The following IL1RAPL1 variants were observed in gnomAD, a reference collection of about 807,000 sequenced individuals.
IL1RAPL1 encodes the protein interleukin-1 receptor accessory protein-like 1.
IL1RAPL1 carries 3 observed loss-of-function variants against 48.4 expected under a neutral mutation model. The observed-to-expected ratio is 0.06, with a 90% CI of 0.03 to 0.16. The LOEUF is 0.16. Ranked by LOEUF, IL1RAPL1 falls within the 10% of genes least tolerant of loss-of-function variation. The pLI, the probability that IL1RAPL1 is intolerant of heterozygous loss-of-function variation, is 1.00. For synonymous variants in IL1RAPL1, 185 were observed against 187.7 expected, an observed-to-expected ratio of 0.99 and a Z score of 0.12; for missense variants, 349 against 530.6, an observed-to-expected ratio of 0.66 and a Z score of 3.36.
intron 6 of IL1RAPL1, among the ~76,000 whole-genome samples, chrX:29,787,167 T>C (rs1929518051): frequency 1.8e-5 from 2 of 111,460 alleles, no homozygotes; most frequent in Admixed American, 1.9e-4. Flanking sequence ...GAGCCTTTGT[T>C]CTTATAGCTG....
At chrX:29,879,355 A>ATGTG (rs1259650807) in intron 6 of IL1RAPL1, among the ~76,000 whole-genome samples, 6 of 81,404 alleles carry the variant, frequency 7.4e-5, no homozygotes, top group African/African-American at 2.0e-4. Context: ...GTAGTTTTAT[A>ATGTG]TATGTGTGTG....
At chrX:29,111,113 T>C (rs754805353) in intron 2 of IL1RAPL1, among the ~76,000 whole-genome samples, 8 of 111,481 alleles carry the variant, frequency 7.2e-5, no homozygotes, top group Non-Finnish European at 1.1e-4. Flanking sequence ...CAAAGAATAA[T>C]AAAATGAACA....
Position 28,762,786 on chromosome X carries a change from G to GCACACACA in IL1RAPL1, c.-24-26503_-24-26496dup, listed in dbSNP as rs759005946. Among the ~76,000 whole-genome samples the GCACACACA allele has an allele frequency of 6.1e-3, 385 of 62,933 alleles. 5 individuals carry two copies. Among genetic ancestry groups the GCACACACA allele is most frequent in the East Asian group, 0.036 (60 of 1,687 alleles). The allele number at this position is 62,933 out of a possible 115,157, so 54.6% of individuals were successfully genotyped here. ...TATAAAATCTAATACGCACGCGCGC[G>GCACACACA]CACACACACACACACACACACACAC... On this transcript the variant is annotated intron_variant, in intron 1 of 10. Coordinates refer to ENST00000378993, the MANE Select transcript of IL1RAPL1 (RefSeq NM_014271.4).
chrX:29,900,667 C>T (rs1932478670), intron 6 of IL1RAPL1, among the ~76,000 whole-genome samples: 1 of 111,531 alleles, frequency 9.0e-6, no homozygotes, highest in East Asian at 2.8e-4. Context: ...TTTTTCTTCT[C>T]GAAGAGGGAG....
At chrX:29,353,314 G>A (rs1395342959) in intron 3 of IL1RAPL1, among the ~76,000 whole-genome samples, 2 of 111,453 alleles carry the variant, frequency 1.8e-5, no homozygotes, top group Non-Finnish European at 3.8e-5. Context: ...AGCTGATTAC[G>A]GCAGGTAAGA....
At chrX:29,786,025 CG>C (rs1256391876) in intron 6 of IL1RAPL1, among the ~76,000 whole-genome samples, 1 of 10,166 alleles carries the variant, frequency 9.8e-5, no homozygotes, top group Non-Finnish European at 2.1e-4. Context: ...AAAAGGCGGG[CG>C]GGGGGGTGGG....
intron 3 of IL1RAPL1, among the ~76,000 whole-genome samples, chrX:29,346,134 A>G (rs1933147051): frequency 8.9e-6 from 1 of 112,205 alleles, no homozygotes; most frequent in African/African-American, 3.2e-5. Flanking sequence ...AGTCAGGAAT[A>G]TAGTAATGCC....
Position 29,331,376 on chromosome X carries a change from C to T in IL1RAPL1, c.362+48159C>T, listed in dbSNP as rs145211055. Reference sequence around the variant, plus strand: ...AGCTCCATTCCTCCACATCACCCAACTGCAAAGAACACATTCAGTAGATTT... The same window carrying T: ...AGCTCCATTCCTCCACATCACCCAATTGCAAAGAACACATTCAGTAGATTT... On this transcript the variant is annotated intron_variant, in intron 3 of 10. Coordinates refer to ENST00000378993, the MANE Select transcript of IL1RAPL1 (RefSeq NM_014271.4). Among the ~76,000 whole-genome samples the T allele has an allele frequency of 4.3e-3, 473 of 110,301 alleles. 3 individuals carry two copies. The highest frequency in any genetic ancestry group is 0.012 in the African/African-American group (378 of 30,287).
chrX:29,839,936 C>T (rs746116819), intron 6 of IL1RAPL1, among the ~76,000 whole-genome samples: 1 of 111,558 alleles, frequency 9.0e-6, no homozygotes, highest in African/African-American at 3.3e-5. Flanking sequence ...AGAAACAAAA[C>T]AAACAAATGA....
intron 5 of IL1RAPL1, among the ~76,000 whole-genome samples, chrX:29,439,851 G>GTTTTTTTTT (rs760458968): frequency 2.0e-4 from 12 of 59,856 alleles, no homozygotes; most frequent in Non-Finnish European, 2.3e-4. Context: ...TGTTTGTTTG[G>GTTTTTTTTT]TTTTTTTTTT....
At chrX:29,219,646 C>T (rs1930937857) in intron 2 of IL1RAPL1, among the ~76,000 whole-genome samples, 1 of 111,412 alleles carries the variant, frequency 9.0e-6, no homozygotes, top group African/African-American at 3.3e-5. Context: ...AATATTTCCT[C>T]CAAATTGCTG....
chrX:28,795,123 G>A (rs897477319), intron 2 of IL1RAPL1, among the ~76,000 whole-genome samples: 6 of 110,587 alleles, frequency 5.4e-5, no homozygotes, highest in Non-Finnish European at 1.1e-4. Flanking sequence ...CCAAACTTCT[G>A]GGACTTTGTT....
intron 1 of IL1RAPL1, among the ~76,000 whole-genome samples, chrX:28,628,145 C>A: frequency 9.0e-6 from 1 of 111,071 alleles, no homozygotes; most frequent in East Asian, 2.8e-4. Context: ...AGCAGGTCAG[C>A]CTGGGTTTGC....
intron 2 of IL1RAPL1, among the ~76,000 whole-genome samples, chrX:28,938,877 T>C (rs1039073179): frequency 9.0e-6 from 1 of 110,740 alleles, no homozygotes; most frequent in Non-Finnish European, 1.9e-5. Flanking sequence ...GAACAGATAC[T>C]TTTCAAAAGA....
intron 5 of IL1RAPL1, among the ~76,000 whole-genome samples, chrX:29,541,355 T>C (rs1417816664): frequency 9.0e-6 from 1 of 111,707 alleles, no homozygotes; most frequent in Non-Finnish European, 1.9e-5. Context: ...GTTCAACCAC[T>C]GGGCAAAGTG....
At chrX:29,734,786 G>C (rs1928005241) in intron 6 of IL1RAPL1, among the ~76,000 whole-genome samples, 2 of 111,188 alleles carry the variant, frequency 1.8e-5, no homozygotes, top group Admixed American at 9.6e-5. Flanking sequence ...AAAATCTGGA[G>C]AGCTGAATAG....
intron 1 of IL1RAPL1, among the ~76,000 whole-genome samples, chrX:28,752,934 T>C (rs936316256): frequency 2.7e-5 from 3 of 112,733 alleles, no homozygotes; most frequent in African/African-American, 9.7e-5. Context: ...GGTTTACTTA[T>C]GTTTAGCATA....
At chrX:29,185,019 T>C (rs1930223513) in intron 2 of IL1RAPL1, among the ~76,000 whole-genome samples, 1 of 112,420 alleles carries the variant, frequency 8.9e-6, no homozygotes, top group East Asian at 2.8e-4. Context: ...TTTCTGTTAT[T>C]CCATAGAAGT....
chrX:29,805,860 C>A (rs1930243322), intron 6 of IL1RAPL1, among the ~76,000 whole-genome samples: 1 of 108,816 alleles, frequency 9.2e-6, no homozygotes, highest in Admixed American at 1.0e-4. Flanking sequence ...GCATTGAAGT[C>A]TATTATAGTC....
Sources: allele counts gnomAD v4.1 joint callset (sites outside exome capture counted in the v4.1 genomes callset), GRCh38; gene constraint gnomAD v4.1.1; transcripts MANE v1.5; gene names NCBI Gene and HGNC (gene_info 2026-07-23, HGNC 2026-07-21).